The following BTLA variants were observed in gnomAD, a reference collection of about 807,000 sequenced individuals.
BTLA encodes B- and T-lymphocyte attenuator.
Under a neutral mutation model 25.0 loss-of-function variants are expected in BTLA, and 11 were observed. The observed-to-expected ratio is 0.44, with a 90% CI of 0.28 to 0.73. The LOEUF (loss-of-function observed/expected upper bound fraction) is 0.73. Ranked by LOEUF, BTLA falls within the 30% of genes least tolerant of loss-of-function variation. The pLI, the probability that BTLA is intolerant of heterozygous loss-of-function variation, is 0.15. For synonymous variants in BTLA, 104 were observed against 119.8 expected (o/e 0.87, Z 0.86); for missense variants, 282 against 332.8 (o/e 0.85, Z 1.19).
At position 112,494,672 on chromosome 3, in the gene BTLA, C is replaced by A. The variant is rs541830933; in HGVS notation, c.88+4599G>T. Reference sequence around the variant, plus strand: ...CACAGGAACAGAAAACCAAACACTGCATGTTCTCACTCATAAGTGGAAGTT... The same window carrying A: ...CACAGGAACAGAAAACCAAACACTGAATGTTCTCACTCATAAGTGGAAGTT... On this transcript the variant is annotated intron_variant, in intron 1 of 4. Transcript: ENST00000334529. Among the ~76,000 whole-genome samples, 4 of 152,242 alleles carry A rather than the reference C, an allele frequency of 2.6e-5. No homozygotes were observed. The South Asian group carries it at 8.3e-4, about 32-fold the overall frequency.
intron 2 of BTLA, among the ~76,000 whole-genome samples, chr3:112,477,724 T>C (rs2107318903): frequency 1.3e-5 from 2 of 152,248 alleles, no homozygotes; most frequent in South Asian, 4.1e-4. Flanking sequence ...AATCAGAGTT[T>C]TATTGTTTTA....
rs2082226694 is a variant in BTLA, at chr3:112,466,337, T to C, written c.641A>G (p.Gln214Arg). The change falls in exon 5 of 5, where the codon CAA becomes CGA. Residue 214 changes from glutamine to arginine, a missense_variant. By Grantham distance (43) the Gln-to-Arg change is conservative (BLOSUM62 1). Coordinates refer to ENST00000334529, the MANE Select transcript of BTLA (RefSeq NM_181780.4). ...KSEQTEASTR[Q>R]NSQVLLSETG... Reference sequence around the variant, plus strand: ...TTCTGATAGCAGTACTTGGGAATTTTGCCTGGTGCTTGCTTCTGTTTGCTC... The same window carrying C: ...TTCTGATAGCAGTACTTGGGAATTTCGCCTGGTGCTTGCTTCTGTTTGCTC... 2 of 1,613,290 alleles carry C rather than the reference T, an allele frequency of 1.2e-6. No homozygotes were observed. The highest frequency in any genetic ancestry group is 2.7e-5 in the African/African-American group (2 of 75,040).
In BTLA at chr3:112,479,328, G is replaced by A. The variant is rs1576682912; in HGVS notation, c.403+127C>T. On this transcript the variant is annotated intron_variant, in intron 2 of 4. Transcript: ENST00000334529. ...CACACTGGCACATAACAATCTGTGA[G>A]GTGTAGCAGATTTCAGATGTGCTAT... 15 of 831,304 alleles carry A rather than the reference G, an allele frequency of 1.8e-5. No homozygotes were observed. The East Asian group carries it at 3.8e-4, about 21-fold the overall frequency. 51.5% of individuals were successfully genotyped at this position (831,304 alleles called of 1,614,324 possible). A position where few individuals can be genotyped will look rare whatever the true frequency, so the allele number is the denominator to read the frequency against.
chr3:112,490,390 G>A (rs1360022976), intron 1 of BTLA, among the ~76,000 whole-genome samples: 1 of 152,100 alleles, frequency 6.6e-6, no homozygotes, highest in Non-Finnish European at 1.5e-5. Flanking sequence ...TTGTTCTCAC[G>A]AGTACAGTGA....
Position 112,473,732 on chromosome 3 carries a change from A to G in BTLA, c.404-2377T>C, listed in dbSNP as rs112985904. ...TGGGTTCAAGTGATTCTCCTGCTTCAGCCTCCTGAGTAGTTGGGATTACAG... is the reference window on the plus strand; with the variant it reads ...TGGGTTCAAGTGATTCTCCTGCTTCGGCCTCCTGAGTAGTTGGGATTACAG... On this transcript the variant is annotated intron_variant, in intron 2 of 4. Transcript: ENST00000334529. 6.2e-3 allele frequency among the ~76,000 whole-genome samples: 913 copies of G among 147,594 alleles called. 7 individuals carry two copies. The highest frequency in any genetic ancestry group is 0.022 in the African/African-American group (867 of 39,740).
chr3:112,471,356 C>T lies in BTLA; in HGVS notation c.404-1G>A. The T allele has an allele frequency of 6.2e-7, 1 of 1,613,390 alleles. No homozygotes were observed. The highest frequency in any genetic ancestry group is 1.1e-5 in the South Asian group (1 of 91,042). On this transcript the variant is annotated splice_acceptor_variant, in intron 2 of 4. Coordinates refer to ENST00000334529, the MANE Select transcript of BTLA (RefSeq NM_181780.4). LOFTEE classifies it high-confidence loss of function. Reference sequence around the variant, plus strand: ...GGTCGTTCTGAGGCACTTTTTACATCTGGAATGTTAGTAAATGCTAAAGAG... The same window carrying T: ...GGTCGTTCTGAGGCACTTTTTACATTTGGAATGTTAGTAAATGCTAAAGAG...
At chr3:112,483,150 T>TC (rs1435558775) in intron 1 of BTLA, among the ~76,000 whole-genome samples, 2 of 143,218 alleles carry the variant, frequency 1.4e-5, no homozygotes, top group Admixed American at 1.4e-4. Context: ...CTTTTTTTTT[T>TC]TTTTTTTTTT....
chr3:112,469,649 A>G lies in BTLA; in HGVS notation c.594+109T>C, dbSNP rs567442604. ...TATATATATATATATATATATATAT[A>G]GTACATAGAATAATGCCTGGCACAT... On this transcript the variant is annotated intron_variant, in intron 4 of 4. Transcript: ENST00000334529. 8.3e-5 allele frequency: 39 copies of G among 471,098 alleles called. 1 individual carries two copies. The highest frequency in any genetic ancestry group is 6.1e-4 in the South Asian group (22 of 36,006). The allele number at this position is 471,098 out of a possible 1,614,324, so 29.2% of individuals were successfully genotyped here. A position where few individuals can be genotyped will look rare whatever the true frequency, so the allele number is the denominator to read the frequency against.
chr3:112,484,208 A>G (rs2107326509), intron 1 of BTLA, among the ~76,000 whole-genome samples: 1 of 152,308 alleles, frequency 6.6e-6, no homozygotes, highest in Non-Finnish European at 1.5e-5. Context: ...CAACTGGATC[A>G]TGGTTTTCTG....
At chr3:112,479,874 A>AC (rs2082308469) in intron 1 of BTLA, 105 bp from the exon 2 acceptor site, 1 of 926,090 alleles carries the variant, frequency 1.1e-6, no homozygotes. Context: ...TTCAAAAACA[A>AC]CCCCCCAATT....
At chr3:112,470,024 C>A in intron 3 of BTLA, 1 of 443,996 alleles carries the variant, frequency 2.3e-6, no homozygotes, top group Non-Finnish European at 4.1e-6. Context: ...CATGGCATAT[C>A]TAAAAGGAAG....
Position 112,499,282 on chromosome 3 carries a change from C to T in BTLA, c.77G>A (p.Trp26Ter). Residue 26 changes from tryptophan (W) to a stop codon, truncating the protein, a stop_gained, in exon 1 of 5, where the codon TGG (tryptophan) becomes TAG (stop). Coordinates refer to ENST00000334529, the MANE Select transcript of BTLA (RefSeq NM_181780.4). LOFTEE classifies it high-confidence loss of function. The part of the protein sequence containing the change: ...VFFLIPYLDI[W>*]NIHGKESCDV... The stretch of plus-strand genomic sequence containing the variant: ...AGCAGGTGCCTTACCATGGATGTTC[C>T]AGATGTCCAGATATGGGATTAAGAA... 6.2e-7 allele frequency: 1 copy of T among 1,605,458 alleles called. No homozygotes were observed.
upstream of BTLA, chr3:112,499,568 GT>G: frequency 1.9e-6 from 1 of 516,892 alleles, no homozygotes; most frequent in South Asian, 3.2e-5. Flanking sequence ...AGACGATGTG[GT>G]ACTCTGTTCT....
chr3:112,491,732 C>T (rs887626804), intron 1 of BTLA, among the ~76,000 whole-genome samples: 3 of 152,164 alleles, frequency 2.0e-5, no homozygotes, highest in Non-Finnish European at 4.4e-5. Flanking sequence ...AGGGAAATCA[C>T]ACAGAAGTTG....
intron 1 of BTLA, among the ~76,000 whole-genome samples, chr3:112,485,869 T>C (rs2082344280): frequency 1.3e-5 from 2 of 152,232 alleles, no homozygotes; most frequent in South Asian, 4.1e-4. Flanking sequence ...TCCCAGCACT[T>C]TGGGAGGCCG....
chr3:112,466,202 G>C lies in BTLA; in HGVS notation c.776C>G (p.Ser259Cys). The C allele has an allele frequency of 6.2e-7, 1 of 1,613,932 alleles. No individual in the cohort carries two copies. The highest frequency in any genetic ancestry group is 2.2e-5 in the East Asian group (1 of 44,874). Residue 259 changes from serine (S) to cysteine (C), a missense_variant, in exon 5 of 5, where the codon TCC becomes TGC. Transcript: ENST00000334529. Reference protein sequence around the residue: ...EENKPGIVYASLNHSVIGPNS... With the variant: ...EENKPGIVYACLNHSVIGPNS... ...CGGTCCAATGACAGAATGGTTCAGG[G>C]AAGCATAAACAATGCCTGGTTTGTT...
chr3:112,466,421 C>G, intron 4 of BTLA, 38 bp from the exon 5 acceptor site: 1 of 1,514,066 alleles, frequency 6.6e-7, no homozygotes, highest in Non-Finnish European at 8.8e-7. Flanking sequence ...GTGACACTTA[C>G]GGCCATGGTA....
intron 1 of BTLA, among the ~76,000 whole-genome samples, chr3:112,484,345 G>C (rs1292383782): frequency 6.6e-6 from 1 of 152,160 alleles, no homozygotes; most frequent in Non-Finnish European, 1.5e-5. Context: ...TTTATAAAGG[G>C]CACGGAAATA....
In BTLA at chr3:112,466,313, T is replaced by C. The variant is rs752414171; in HGVS notation, c.665A>G (p.Glu222Gly). ...TRQNSQVLLS[E>G]TGIYDNDPDL... ...AGGGTCATTATCATAAATTCCAGTT[T>C]CTGATAGCAGTACTTGGGAATTTTG... is the stretch of plus-strand genomic sequence containing the variant. The change falls in exon 5 of 5, where the codon GAA becomes GGA. Residue 222 changes from glutamate (E) to glycine (G), a missense_variant. Physicochemically the swap from Glu to Gly is moderately conservative, Grantham distance 98. Around this residue, in one of 2 missense-constraint regions of BTLA, gnomAD observed 119 missense variants for 102.3 expected, o/e 1.16. Coordinates refer to ENST00000334529, the MANE Select transcript of BTLA (RefSeq NM_181780.4). The C allele has an allele frequency of 1.2e-6, 2 of 1,613,974 alleles. No homozygotes were observed. Among genetic ancestry groups the C allele is most frequent in the Non-Finnish European group, 1.7e-6 (2 of 1,179,920 alleles).
Sources: allele counts gnomAD v4.1 joint callset (sites outside exome capture counted in the v4.1 genomes callset), GRCh38; gene constraint gnomAD v4.1.1; regional missense constraint gnomAD v4.1.1; transcripts MANE v1.5; gene names NCBI Gene and HGNC (gene_info 2026-07-23, HGNC 2026-07-21).